The following UNC13A variants were observed in gnomAD, a reference collection of about 807,000 sequenced individuals.
The protein encoded by UNC13A is unc-13 homolog A.
A neutral mutation model predicts 219.7 loss-of-function variants in UNC13A; 61 were observed. The observed-to-expected ratio is 0.28, with a 90% CI of 0.23 to 0.34. UNC13A has a LOEUF of 0.34. UNC13A is among the 10% of genes least tolerant of loss of function. UNC13A has a pLI of 1.00. For missense variants in UNC13A, 1,476 were observed against 2,270.3 expected (o/e 0.65, Z 7.11); for synonymous variants, 920 against 884.6 (o/e 1.04, Z -0.71).
At position 17,632,823 on chromosome 19, in the gene UNC13A, C is replaced by G. The variant is rs775889085; in HGVS notation, c.3387G>C (p.Thr1129=). 3.7e-6 allele frequency: 6 copies of G among 1,613,918 alleles called. No homozygotes were observed. Residue 1129 remains threonine (T), a synonymous_variant, in exon 28 of 44, where the codon ACG becomes ACC. Coordinates refer to ENST00000519716, the MANE Select transcript of UNC13A (RefSeq NM_001080421.3). ...KVKWLYNEYV[T]ELPAFKDRVP... is the part of the protein sequence containing the mutation. ...CGCGGTCCTTGAAGGCGGGAAGTTCCGTCACATACTCATTGTAGAGCCATT... is the reference window on the plus strand; with the variant it reads ...CGCGGTCCTTGAAGGCGGGAAGTTCGGTCACATACTCATTGTAGAGCCATT...
chr19:17,664,680 G>A (rs538171598), intron 7 of UNC13A, among the ~76,000 whole-genome samples: 70 of 152,204 alleles, frequency 4.6e-4, no homozygotes, highest in Admixed American at 2.4e-3. Flanking sequence ...TTCACCAAGC[G>A]GGGGTTTGTA....
At chr19:17,680,897 T>TTC (rs1292316072) in intron 1 of UNC13A, among the ~76,000 whole-genome samples, 7 of 102,728 alleles carry the variant, frequency 6.8e-5, no homozygotes, top group Admixed American at 4.6e-4. Flanking sequence ...TTCTTTTTTT[T>TTC]TTTTTTTTTT....
intron 1 of UNC13A, among the ~76,000 whole-genome samples, chr19:17,686,235 C>T (rs548629040): frequency 6.6e-5 from 10 of 150,572 alleles, no homozygotes; most frequent in African/African-American, 2.2e-4. Context: ...CCTGCTGCCC[C>T]CCCTTAATGC....
chr19:17,623,790 C>T (rs2076755021), intron 35 of UNC13A, among the ~76,000 whole-genome samples: 1 of 152,132 alleles, frequency 6.6e-6, no homozygotes, highest in South Asian at 2.1e-4. Context: ...CTCCCCACTC[C>T]CTAATGTGCC....
At position 17,649,393 on chromosome 19, in the gene UNC13A, C is replaced by A; in HGVS notation, c.1519-49G>T. 6.2e-7 allele frequency: 1 copy of A among 1,612,172 alleles called. No individual in the cohort carries two copies. Among genetic ancestry groups the A allele is most frequent in the Non-Finnish European group, 8.5e-7 (1 of 1,179,478 alleles). On this transcript the variant is annotated intron_variant, in intron 13 of 43. Coordinates refer to ENST00000519716, the MANE Select transcript of UNC13A (RefSeq NM_001080421.3). This position sits in a 1 kb window ranked among gnomAD's most constrained non-coding sequence, Gnocchi z 4.4. Reference sequence around the variant, plus strand: ...GGGGTAGAAATCAGACTACATTAGTCTCAGAGAATGCCTAGCTGGCCCCCA... The same window carrying A: ...GGGGTAGAAATCAGACTACATTAGTATCAGAGAATGCCTAGCTGGCCCCCA...
chr19:17,620,939 C>T (rs559381906), intron 37 of UNC13A, among the ~76,000 whole-genome samples: 4 of 152,094 alleles, frequency 2.6e-5, no homozygotes, highest in African/African-American at 9.6e-5. Flanking sequence ...AGCACACTCT[C>T]GGGGTACCCA....
In UNC13A at chr19:17,606,061, G is replaced by T. The variant is rs771677125; in HGVS notation, c.5105C>A (p.Ala1702Glu). The stretch of plus-strand genomic sequence containing the variant: ...CTCGGCCGACCGCCCGCGCTAAGGC[G>T]CAGGCGCGGCACCGCCCTCCTCGGC... ...RSAEEGGAAPAP is the reference protein window; with the variant it reads ...RSAEEGGAAPEP The change falls in exon 44 of 44, where the codon GCG becomes GAG. Residue 1702 changes from alanine to glutamate, a missense_variant. Physicochemically the swap from Ala to Glu is moderately radical, Grantham distance 107 (BLOSUM62 -1). Coordinates refer to ENST00000519716, the MANE Select transcript of UNC13A (RefSeq NM_001080421.3). 6.4e-6 allele frequency: 10 copies of T among 1,561,900 alleles called. No homozygotes were observed. In the African/African-American group the frequency reaches 1.4e-4, roughly 22 times the overall value.
chr19:17,640,755 G>T, intron 21 of UNC13A, 94 bp from the exon 22 acceptor site: 1 of 1,371,188 alleles, frequency 7.3e-7, no homozygotes, highest in Non-Finnish European at 9.7e-7. Flanking sequence ...ATCTGTGAGT[G>T]GGTCTCTGTC....
Position 17,602,277 on chromosome 19 carries a change from C to T in UNC13A, c.*3777G>A, listed in dbSNP as rs1482784928. ...TCCCTGCCTTGGTCTCTGCATTTAT[C>T]TTTCTCTGTATATTTCCACCTCTAT... On this transcript the variant is annotated 3_prime_UTR_variant, in exon 44 of 44. Coordinates refer to ENST00000519716, the MANE Select transcript of UNC13A (RefSeq NM_001080421.3). 6.5e-6 allele frequency: 1 copy of T among 152,744 alleles called. No individual in the cohort carries two copies. The highest frequency in any genetic ancestry group is 1.9e-4 in the East Asian group (1 of 5,192). The allele number at this position is 152,744 out of a possible 1,614,324, so 9.5% of individuals were successfully genotyped here.
chr19:17,684,377 T>C (rs1035583719), intron 1 of UNC13A, among the ~76,000 whole-genome samples: 3 of 152,078 alleles, frequency 2.0e-5, no homozygotes, highest in Non-Finnish European at 4.4e-5. Flanking sequence ...TCTAACCCCA[T>C]GGGACGTGCA....
chr19:17,643,213 T>C (rs1360042419), intron 19 of UNC13A, among the ~76,000 whole-genome samples: 1 of 152,156 alleles, frequency 6.6e-6, no homozygotes, highest in Non-Finnish European at 1.5e-5. Flanking sequence ...GGTTTCACCA[T>C]GTTGGCCAGG....
chr19:17,616,329 C>A, intron 41 of UNC13A: 3 of 661,068 alleles, frequency 4.5e-6, no homozygotes, highest in South Asian at 1.7e-5. Flanking sequence ...AAGGACGATC[C>A]TTTTACTAGC....
chr19:17,625,034 A>G (rs1489856594), intron 34 of UNC13A, 82 bp from the exon 35 acceptor site: 2 of 1,544,826 alleles, frequency 1.3e-6, no homozygotes, highest in African/African-American at 2.7e-5. Context: ...TGGGCAAGGC[A>G]TTCCACAGAT....
chr19:17,656,964 C>T (rs113057981), intron 9 of UNC13A, among the ~76,000 whole-genome samples: 45 of 152,176 alleles, frequency 3.0e-4, no homozygotes, highest in African/African-American at 8.2e-4. Flanking sequence ...ACCACAGCCC[C>T]GCAGCAGGTC....
In UNC13A at chr19:17,604,408, G is replaced by C. The variant is rs1202673747; in HGVS notation, c.*1646C>G. 2.0e-5 allele frequency: 3 copies of C among 152,128 alleles called. No homozygotes were observed. The highest frequency in any genetic ancestry group is 4.4e-5 in the Non-Finnish European group (3 of 68,092). The allele number at this position is 152,128 out of a possible 1,614,324, so 9.4% of individuals were successfully genotyped here. A position where few individuals can be genotyped will look rare whatever the true frequency, so the allele number is the denominator to read the frequency against. On this transcript the variant is annotated 3_prime_UTR_variant, in exon 44 of 44. Coordinates refer to ENST00000519716, the MANE Select transcript of UNC13A (RefSeq NM_001080421.3). ...CAGCTCCAGCCGTGCCACCCTTCTC[G>C]TTGTTTCAACAGTTCTTCTCTCCTG...
chr19:17,624,727 G>T (rs915508078), intron 35 of UNC13A, 102 bp downstream of exon 35: 2 of 1,447,680 alleles, frequency 1.4e-6, no homozygotes, highest in Non-Finnish European at 1.8e-6. Context: ...CTCTGAGACC[G>T]GATGCCTTTG....
At chr19:17,664,473 T>C (rs1178456044) in intron 7 of UNC13A, among the ~76,000 whole-genome samples, 1 of 152,200 alleles carries the variant, frequency 6.6e-6, no homozygotes, top group Non-Finnish European at 1.5e-5. Context: ...CCTCTGACCA[T>C]TGGCTGCTTT....
chr19:17,679,653 A>C (rs1313786907), intron 1 of UNC13A, among the ~76,000 whole-genome samples: 1 of 152,022 alleles, frequency 6.6e-6, no homozygotes, highest in Non-Finnish European at 1.5e-5. Flanking sequence ...ATTTAGGCTC[A>C]GCGGGGAGCC....
intron 19 of UNC13A, among the ~76,000 whole-genome samples, chr19:17,644,294 T>C (rs374671061): frequency 8.6e-5 from 13 of 150,494 alleles, no homozygotes; most frequent in African/African-American, 3.2e-4. Flanking sequence ...GTACAAATGA[T>C]GCTTCCACCT....
Sources: allele counts gnomAD v4.1 joint callset (sites outside exome capture counted in the v4.1 genomes callset), GRCh38; gene constraint gnomAD v4.1.1; non-coding constraint Gnocchi (gnomAD v3.1); transcripts MANE v1.5; gene names NCBI Gene and HGNC (gene_info 2026-07-23, HGNC 2026-07-21).